The following DIS3L2 variants were observed in gnomAD, a reference collection of about 807,000 sequenced individuals.
DIS3L2 encodes the protein DIS3-like exonuclease 2.
Under a neutral mutation model 97.5 loss-of-function variants are expected in DIS3L2, and 34 were observed. The observed-to-expected ratio is 0.35, with a 90% CI of 0.27 to 0.46. DIS3L2 has a LOEUF of 0.46. Ranked by LOEUF, DIS3L2 falls within the 20% of genes least tolerant of loss-of-function variation. DIS3L2 has a pLI of 1.00. For synonymous variants in DIS3L2, 435 were observed against 445.2 expected (o/e 0.98, Z 0.29); for missense variants, 1,038 against 1,146.0 (o/e 0.91, Z 1.36).
intron 13 of DIS3L2, among the ~76,000 whole-genome samples, chr2:232,295,403 G>A (rs536375844): frequency 3.3e-5 from 5 of 152,084 alleles, no homozygotes; most frequent in Admixed American, 6.6e-5. Context: ...TACTGTTATC[G>A]CTGCCCATCT....
intron 6 of DIS3L2, 26 bp downstream of exon 6, chr2:232,087,747 T>G (rs1454146907): frequency 1.3e-6 from 2 of 1,564,910 alleles, no homozygotes; most frequent in Middle Eastern, 1.7e-4. Context: ...TTGTCTTACT[T>G]TTTTTTTAAG....
At chr2:232,246,830 A>G (rs998585905) in intron 11 of DIS3L2, among the ~76,000 whole-genome samples, 9 of 10,984 alleles carry the variant, frequency 8.2e-4, no homozygotes, top group African/African-American at 5.0e-3. Context: ...GCATTCATTT[A>G]TTTCATATTT....
chr2:232,041,672 A>G (rs1259365118), intron 5 of DIS3L2, among the ~76,000 whole-genome samples: 6 of 152,220 alleles, frequency 3.9e-5, no homozygotes, highest in Admixed American at 3.9e-4. Flanking sequence ...AATAAGAGTA[A>G]AAGAGGCTGA....
At chr2:232,079,599 C>CAAAAAA (rs760870721) in intron 5 of DIS3L2, among the ~76,000 whole-genome samples, 1 of 29,630 alleles carries the variant, frequency 3.4e-5, no homozygotes, top group East Asian at 8.1e-4. Context: ...GACTCTATCT[C>CAAAAAA]AAAAAAAAAA....
rs146580522 is a variant in DIS3L2, at chr2:232,063,533, C to CT, written c.367-23951dup. Among the ~76,000 whole-genome samples the CT allele has an allele frequency of 1.9e-3, 291 of 152,234 alleles. 3 individuals carry two copies. The highest frequency in any genetic ancestry group is 6.5e-3 in the African/African-American group (271 of 41,548). On this transcript the variant is annotated intron_variant, in intron 5 of 20. Transcript: ENST00000325385. ...TTCCAGCTGCAGTGACACCTGTCTA[C>CT]TTTCTGTTCTGCAAACATGCCTACT... is the stretch of plus-strand genomic sequence containing the variant.
At chr2:232,238,306 T>G (rs1020146003) in intron 10 of DIS3L2, among the ~76,000 whole-genome samples, 1 of 152,190 alleles carries the variant, frequency 6.6e-6, no homozygotes, top group Non-Finnish European at 1.5e-5. Flanking sequence ...TAATCTTGTT[T>G]ATTCACAAGA....
intron 7 of DIS3L2, among the ~76,000 whole-genome samples, chr2:232,136,049 TAAGAG>T (rs969670523): frequency 1.3e-5 from 2 of 152,130 alleles, no homozygotes; most frequent in African/African-American, 4.8e-5. Flanking sequence ...AAGACATAAT[TAAGAG>T]AAGTAATTTA....
chr2:232,215,703 G>A (rs913218078), intron 10 of DIS3L2, among the ~76,000 whole-genome samples: 4 of 152,220 alleles, frequency 2.6e-5, no homozygotes, highest in Non-Finnish European at 5.9e-5. Flanking sequence ...CACCTTTGGA[G>A]GCAGTGAGGA....
At chr2:232,128,451 A>ATTTTTTTTTTTTTTTTTTTT in intron 6 of DIS3L2, among the ~76,000 whole-genome samples, 1 of 71,694 alleles carries the variant, frequency 1.4e-5, no homozygotes, top group Non-Finnish European at 2.4e-5. Flanking sequence ...AACTTTGCTA[A>ATTTTTTTTTTTTTTTTTTTT]TTTTTTTTTT....
rs530799691 is a variant in DIS3L2, at chr2:232,148,855, A to C, written c.950+12136A>C. Reference sequence around the variant, plus strand: ...TTTCCTTTGTAGCCATTTAAAACTAACAGCTAGAAATATTTCTTCTTCCAA... The same window carrying C: ...TTTCCTTTGTAGCCATTTAAAACTACCAGCTAGAAATATTTCTTCTTCCAA... On this transcript the variant is annotated intron_variant, in intron 8 of 20. Transcript: ENST00000325385. Among the ~76,000 whole-genome samples the C allele has an allele frequency of 6.1e-5, 9 of 146,674 alleles. No homozygotes were observed. In the East Asian group the frequency reaches 1.8e-3, roughly 29 times the overall value.
chr2:232,161,690 C>T (rs1690656871), intron 8 of DIS3L2, among the ~76,000 whole-genome samples: 2 of 152,090 alleles, frequency 1.3e-5, no homozygotes. Context: ...AGGCTGGTCT[C>T]AAACTCCTAG....
At chr2:232,080,918 A>T (rs1404691515) in intron 5 of DIS3L2, among the ~76,000 whole-genome samples, 2 of 151,480 alleles carry the variant, frequency 1.3e-5, no homozygotes, top group Non-Finnish European at 2.9e-5. Flanking sequence ...AAAAAAAAAA[A>T]ATACAGTTGG....
chr2:232,114,060 A>C lies in DIS3L2; in HGVS notation c.602-16559A>C, dbSNP rs182574501. On this transcript the variant is annotated intron_variant, in intron 6 of 20. Transcript: ENST00000325385. The stretch of plus-strand genomic sequence containing the variant: ...AGGAACTGACTCAGGGCAAGAGGAC[A>C]GCTTCATTTCCCTATGGTTTCATCT... Among the ~76,000 whole-genome samples the C allele has an allele frequency of 2.9e-4, 44 of 152,332 alleles. 1 individual carries two copies. In the East Asian group the frequency reaches 7.9e-3, roughly 27 times the overall value.
intron 13 of DIS3L2, among the ~76,000 whole-genome samples, chr2:232,296,273 T>TG (rs779100315): frequency 6.6e-6 from 1 of 152,258 alleles, no homozygotes; most frequent in African/African-American, 2.4e-5. Flanking sequence ...GTAATGCTGG[T>TG]GAGGTGAAAG....
intron 13 of DIS3L2, among the ~76,000 whole-genome samples, chr2:232,285,623 A>C (rs1378514594): frequency 6.6e-6 from 1 of 152,226 alleles, no homozygotes; most frequent in Non-Finnish European, 1.5e-5. Context: ...GGAAATGCCA[A>C]GACTTTAGAG....
chr2:232,047,306 AG>A (rs1695268686), intron 5 of DIS3L2, among the ~76,000 whole-genome samples: 1 of 152,234 alleles, frequency 6.6e-6, no homozygotes, highest in Admixed American at 6.5e-5. Flanking sequence ...AGAAAGAAAA[AG>A]AAGATAGCTG....
chr2:232,321,558 G>C (rs546637159), intron 14 of DIS3L2, among the ~76,000 whole-genome samples: 2 of 152,178 alleles, frequency 1.3e-5, no homozygotes, highest in Non-Finnish European at 2.9e-5. Flanking sequence ...GCGTCTCTGT[G>C]GGGGGTGGGA....
chr2:232,163,427 A>G, intron 8 of DIS3L2, 32 bp from the exon 9 acceptor site: 1 of 1,599,316 alleles, frequency 6.3e-7, no homozygotes, highest in Non-Finnish European at 8.5e-7. Context: ...TTGTTTGCTA[A>G]CCCAGTTATT....
Position 232,042,605 on chromosome 2 carries a change from C to T in DIS3L2, c.366+12525C>T, listed in dbSNP as rs539781901. ...TACACAGCCTATTTTTAACAGTCAT[C>T]TTTTTTCTTCATTACTGCCAGCTCT... On this transcript the variant is annotated intron_variant, in intron 5 of 20. Coordinates refer to ENST00000325385, the MANE Select transcript of DIS3L2 (RefSeq NM_152383.5). Among the ~76,000 whole-genome samples the T allele has an allele frequency of 2.0e-5, 3 of 152,276 alleles. No individual in the cohort carries two copies. In the South Asian group the frequency reaches 6.2e-4, roughly 32 times the overall value.
Sources: gnomAD v4.1 joint callset for allele counts (sites outside exome capture counted in the v4.1 genomes callset) on GRCh38, gnomAD v4.1.1 for gene constraint, MANE v1.5 for transcripts, NCBI Gene and HGNC (gene_info 2026-07-23, HGNC 2026-07-21) for gene names.